The following MYLK4 variants were observed in gnomAD, a reference collection of about 807,000 sequenced individuals.
MYLK4 encodes caMLCK like.
In MYLK4, 46 loss-of-function variants were observed where a neutral mutation model predicts 48.1. That is an observed-to-expected ratio of 0.96 (90% CI 0.75 to 1.22). MYLK4 has a LOEUF of 1.22. Among genes scored for constraint, MYLK4 ranks in the 50% most tolerant of loss-of-function variants. MYLK4 has a pLI of 0.00. For missense variants in MYLK4, 451 were observed against 486.1 expected, an observed-to-expected ratio of 0.93 and a Z score of 0.68; for synonymous variants, 170 against 180.8, an observed-to-expected ratio of 0.94 and a Z score of 0.48.
the MYLK4 span, chr6:2,765,761 C>T: frequency 3.4e-6 from 5 of 1,481,304 alleles, no homozygotes; most frequent in Non-Finnish European, 4.5e-6. Context: ...CCCGGCGGGG[C>T]ACGCGGAGCC....
chr6:2,683,535 T>G (rs947935079), intron 6 of MYLK4, among the ~76,000 whole-genome samples: 1 of 152,006 alleles, frequency 6.6e-6, no homozygotes, highest in Non-Finnish European at 1.5e-5. Flanking sequence ...TTCTCATGCC[T>G]CAGTCTCCCA....
chr6:2,749,344 C>G lies in MYLK4; in HGVS notation c.-50G>C. 6.9e-7 allele frequency: 1 copy of G among 1,448,542 alleles called. No individual in the cohort carries two copies. The highest frequency in any genetic ancestry group is 9.6e-7 in the Non-Finnish European group (1 of 1,045,156). 89.7% of individuals were successfully genotyped at this position (1,448,542 alleles called of 1,614,324 possible). A position where few individuals can be genotyped will look rare whatever the true frequency, so the allele number is the denominator to read the frequency against. Reference sequence around the variant, plus strand: ...ACTTTCTGGAGTGTGGTTTTCGTCTCCCTCTGTCTCCGATTTATAAATCAG... The same window carrying G: ...ACTTTCTGGAGTGTGGTTTTCGTCTGCCTCTGTCTCCGATTTATAAATCAG... On this transcript the variant is annotated 5_prime_UTR_variant, in exon 2 of 13. Coordinates refer to ENST00000274643, the MANE Select transcript of MYLK4 (RefSeq NM_001012418.5).
intron 2 of MYLK4, among the ~76,000 whole-genome samples, chr6:2,741,476 T>C (rs1763898801): frequency 6.6e-6 from 1 of 152,246 alleles, no homozygotes; most frequent in African/African-American, 2.4e-5. Context: ...AGTTGACTCA[T>C]CTGTGCATTT....
chr6:2,696,512 C>T (rs1172370668), intron 2 of MYLK4, among the ~76,000 whole-genome samples: 2 of 152,302 alleles, frequency 1.3e-5, no homozygotes, highest in South Asian at 2.1e-4. Context: ...TGGGGAGAAG[C>T]CCACTACACA....
At chr6:2,725,010 G>T (rs780147007) in intron 2 of MYLK4, among the ~76,000 whole-genome samples, 4 of 152,182 alleles carry the variant, frequency 2.6e-5, no homozygotes, top group Non-Finnish European at 4.4e-5. Flanking sequence ...AATTAGCTGG[G>T]CATGGTGGCA....
At chr6:2,749,776 CA>C (rs1226179082) in intron 1 of MYLK4, among the ~76,000 whole-genome samples, 1 of 152,106 alleles carries the variant, frequency 6.6e-6, no homozygotes, top group African/African-American at 2.4e-5. Flanking sequence ...AAGGGCTTAT[CA>C]CAGAAGGGGT....
chr6:2,765,512 T>C, the MYLK4 span: 6 of 1,267,522 alleles, frequency 4.7e-6, no homozygotes, highest in Non-Finnish European at 6.0e-6. Flanking sequence ...GTCCTGCTGG[T>C]TCCCCGAGCG....
intron 7 of MYLK4, among the ~76,000 whole-genome samples, chr6:2,682,583 C>G (rs893593447): frequency 3.9e-5 from 6 of 152,090 alleles, no homozygotes; most frequent in Non-Finnish European, 5.9e-5. Flanking sequence ...AAACAAGTCC[C>G]AAAGTCTGGA....
the MYLK4 span, among the ~76,000 whole-genome samples, chr6:2,764,346 G>C: frequency 6.6e-6 from 1 of 152,158 alleles, no homozygotes; most frequent in Admixed American, 6.5e-5. Flanking sequence ...GGGCGCCCAG[G>C]AGTTCAAGGC....
chr6:2,735,144 A>G (rs1230355750), intron 2 of MYLK4, among the ~76,000 whole-genome samples: 1 of 152,240 alleles, frequency 6.6e-6, no homozygotes, highest in Non-Finnish European at 1.5e-5. Context: ...ATTACAAACA[A>G]TTCTTCCCGT....
chr6:2,713,350 G>A (rs1762748164), intron 2 of MYLK4, among the ~76,000 whole-genome samples: 1 of 150,262 alleles, frequency 6.7e-6, no homozygotes, highest in Non-Finnish European at 1.5e-5. Flanking sequence ...CTCCAGCCTG[G>A]GCAACAAGAG....
At chr6:2,742,186 T>G (rs1255534234) in intron 2 of MYLK4, among the ~76,000 whole-genome samples, 1 of 152,222 alleles carries the variant, frequency 6.6e-6, no homozygotes, top group African/African-American at 2.4e-5. Flanking sequence ...CAATTCCTCT[T>G]CATATGAACT....
At chr6:2,738,542 T>C (rs557464333) in intron 2 of MYLK4, among the ~76,000 whole-genome samples, 1 of 152,364 alleles carries the variant, frequency 6.6e-6, no homozygotes, top group South Asian at 2.1e-4. Flanking sequence ...GGGACTTCAC[T>C]GCATTGCCGC....
At chr6:2,722,307 GT>G (rs1763098682) in intron 2 of MYLK4, among the ~76,000 whole-genome samples, 1 of 152,162 alleles carries the variant, frequency 6.6e-6, no homozygotes, top group African/African-American at 2.4e-5. Flanking sequence ...AAATAAGCAA[GT>G]TTTTAAAAAT....
intron 4 of MYLK4, among the ~76,000 whole-genome samples, chr6:2,687,917 A>C (rs1398210968): frequency 6.6e-6 from 1 of 152,158 alleles, no homozygotes; most frequent in African/African-American, 2.4e-5. Context: ...ATGGCAGCAA[A>C]CGTTATAATT....
chr6:2,744,992 TG>T (rs1180601867), intron 2 of MYLK4, among the ~76,000 whole-genome samples: 2 of 152,160 alleles, frequency 1.3e-5, no homozygotes, highest in Admixed American at 6.5e-5. Context: ...CTTTTATACT[TG>T]GGACCATGCC....
chr6:2,680,409 C>T (rs1429242447), intron 7 of MYLK4, 118 bp from the exon 8 acceptor site: 45 of 1,561,744 alleles, frequency 2.9e-5, no homozygotes, highest in South Asian at 2.3e-4. Flanking sequence ...CCTTTCACTT[C>T]GGGGCGGGCT....
chr6:2,763,333 C>T, the MYLK4 span, among the ~76,000 whole-genome samples: 3 of 152,238 alleles, frequency 2.0e-5, no homozygotes, highest in Non-Finnish European at 4.4e-5. Flanking sequence ...ACGTAATGAG[C>T]CTGCATTGCT....
chr6:2,765,589 G>T, the MYLK4 span: 5 of 1,463,874 alleles, frequency 3.4e-6, no homozygotes, highest in Non-Finnish European at 4.5e-6. Context: ...GGTTGCTGCG[G>T]CCGCGCCGGG....
Sources: allele counts gnomAD v4.1 joint callset (sites outside exome capture counted in the v4.1 genomes callset), GRCh38; gene constraint gnomAD v4.1.1; transcripts MANE v1.5; gene names NCBI Gene and HGNC (gene_info 2026-07-23, HGNC 2026-07-21).